The following GAS7 variants were observed in gnomAD, a reference collection of about 807,000 sequenced individuals.
GAS7 encodes the protein growth arrest specific 7.
A neutral mutation model predicts 71.1 loss-of-function variants in GAS7; 28 were observed. The ratio of observed to expected loss-of-function variants is 0.39; its 90% CI spans 0.29 to 0.54. GAS7 has a LOEUF of 0.54. Among genes scored for constraint, GAS7 ranks in the 20% least tolerant of loss-of-function variants. The pLI is 0.62. For missense variants in GAS7, 436 were observed against 627.8 expected (o/e 0.69, Z 3.27); for synonymous variants, 258 against 245.8 (o/e 1.05, Z -0.46).
chr17:9,958,840 C>A, intron 5 of GAS7: 1 of 341,516 alleles, frequency 2.9e-6, no homozygotes, highest in Non-Finnish European at 4.6e-6. Flanking sequence ...CGCACAAAAG[C>A]AACCCTGCCG....
intron 1 of GAS7, among the ~76,000 whole-genome samples, chr17:10,164,159 T>C (rs966007168): frequency 2.0e-5 from 3 of 152,104 alleles, no homozygotes; most frequent in East Asian, 3.9e-4. Context: ...AATATGGCCA[T>C]GGACTGGGCG....
chr17:10,167,211 C>T (rs1401424719), intron 1 of GAS7, among the ~76,000 whole-genome samples: 3 of 151,882 alleles, frequency 2.0e-5, no homozygotes, highest in Middle Eastern at 3.4e-3. Context: ...GCATGCACCA[C>T]CACGCCCGGC....
chr17:9,945,917 G>A (rs1009340585), intron 6 of GAS7, among the ~76,000 whole-genome samples: 5 of 152,192 alleles, frequency 3.3e-5, no homozygotes, highest in African/African-American at 1.2e-4. Context: ...CTGGGAGGTG[G>A]AGGCTGGAGT....
At chr17:10,140,195 C>T (rs2074069054) in intron 1 of GAS7, among the ~76,000 whole-genome samples, 1 of 152,190 alleles carries the variant, frequency 6.6e-6, no homozygotes, top group Non-Finnish European at 1.5e-5. Context: ...GACATGGTGG[C>T]TCACATCTGC....
chr17:10,045,001 A>G (rs1475893677), intron 1 of GAS7, among the ~76,000 whole-genome samples: 2 of 146,976 alleles, frequency 1.4e-5, no homozygotes, highest in Non-Finnish European at 3.0e-5. Flanking sequence ...AGATCGTGCC[A>G]CTGCACTCCA....
At chr17:10,089,042 T>C (rs1057030060) in intron 1 of GAS7, among the ~76,000 whole-genome samples, 2 of 151,848 alleles carry the variant, frequency 1.3e-5, no homozygotes, top group African/African-American at 4.8e-5. Flanking sequence ...GTGCCTGTAA[T>C]CCCAGCTACT....
At chr17:10,170,269 T>C (rs1439108443) in intron 1 of GAS7, among the ~76,000 whole-genome samples, 2 of 151,692 alleles carry the variant, frequency 1.3e-5, no homozygotes, top group African/African-American at 4.8e-5. Flanking sequence ...TCAGGGTAAA[T>C]GTCAGATCCT....
intron 1 of GAS7, chr17:10,039,918 T>G: frequency 3.1e-6 from 1 of 323,688 alleles, no homozygotes; most frequent in Non-Finnish European, 6.2e-6. Flanking sequence ...CCCACCTTCC[T>G]GGTCTTTTCT....
intron 1 of GAS7, among the ~76,000 whole-genome samples, chr17:10,182,450 G>A (rs1476253565): frequency 2.6e-5 from 4 of 152,170 alleles, no homozygotes; most frequent in South Asian, 2.1e-4. Context: ...ATGAGGCACC[G>A]CACCCGGCCT....
At chr17:10,020,544 G>A (rs546561642) in intron 1 of GAS7, among the ~76,000 whole-genome samples, 19 of 151,866 alleles carry the variant, frequency 1.3e-4, no homozygotes, top group South Asian at 4.2e-4. Flanking sequence ...ATTACTTTTC[G>A]TTAAAAAACA....
chr17:10,131,800 T>C (rs142812044), intron 1 of GAS7, among the ~76,000 whole-genome samples: 3 of 152,084 alleles, frequency 2.0e-5, no homozygotes, highest in Admixed American at 6.5e-5. Flanking sequence ...TACTCATGAA[T>C]ACATAAATAG....
chr17:9,988,085 C>T (rs1234632099), intron 2 of GAS7, among the ~76,000 whole-genome samples: 3 of 152,256 alleles, frequency 2.0e-5, no homozygotes, highest in Non-Finnish European at 2.9e-5. Flanking sequence ...GAGATTCCTG[C>T]AGTCTTCTCC....
intron 1 of GAS7, among the ~76,000 whole-genome samples, chr17:10,077,829 A>C (rs1173919331): frequency 6.6e-6 from 1 of 152,244 alleles, no homozygotes; most frequent in African/African-American, 2.4e-5. Flanking sequence ...AACCAAGAAA[A>C]GGGGAAGACA....
intron 1 of GAS7, among the ~76,000 whole-genome samples, chr17:10,182,487 C>T (rs1190541902): frequency 6.6e-6 from 1 of 152,250 alleles, no homozygotes; most frequent in Middle Eastern, 3.4e-3. Flanking sequence ...AATAAATTTG[C>T]TTTTACTTTG....
rs1429478482 is a variant in GAS7, at chr17:9,911,307, G to A, written c.*5921C>T. ...CAAAGGAGGCCGCAGAGCAGGGCCA[G>A]TCCTGTGCTCTCCCCCTGCATAGCA... On this transcript the variant is annotated 3_prime_UTR_variant, in exon 14 of 14. Coordinates refer to ENST00000432992, the MANE Select transcript of GAS7 (RefSeq NM_201433.2). This position sits in a 1 kb window ranked among gnomAD's most constrained non-coding sequence, Gnocchi z 4.0. The A allele has an allele frequency of 1.3e-5, 3 of 233,392 alleles. No homozygotes were observed. Among genetic ancestry groups the A allele is most frequent in the Non-Finnish European group, 2.5e-5 (3 of 118,232 alleles). The allele number at this position is 233,392 out of a possible 1,614,324, so 14.5% of individuals were successfully genotyped here. A position where few individuals can be genotyped will look rare whatever the true frequency, so the allele number is the denominator to read the frequency against.
At chr17:10,127,119 G>A (rs989088499) in intron 1 of GAS7, among the ~76,000 whole-genome samples, 6 of 152,146 alleles carry the variant, frequency 3.9e-5, no homozygotes, top group African/African-American at 1.4e-4. Flanking sequence ...TGGATTTCCA[G>A]CTGGCCATGT....
chr17:10,111,212 T>C (rs910013430), intron 1 of GAS7, among the ~76,000 whole-genome samples: 1 of 151,804 alleles, frequency 6.6e-6, no homozygotes, highest in Non-Finnish European at 1.5e-5. Flanking sequence ...ACCAGCCTGG[T>C]CAACATGGTG....
At position 9,917,122 on chromosome 17, in the gene GAS7, T is replaced by G; in HGVS notation, c.*106A>C. The G allele has an allele frequency of 2.6e-6, 2 of 768,630 alleles. No homozygotes were observed. The highest frequency in any genetic ancestry group is 2.8e-5 in the South Asian group (2 of 70,258). The allele number at this position is 768,630 out of a possible 1,614,324, so 47.6% of individuals were successfully genotyped here. On this transcript the variant is annotated 3_prime_UTR_variant, in exon 14 of 14. Transcript: ENST00000432992. The stretch of plus-strand genomic sequence containing the variant: ...GAATCACCAGCTCTCTCCCCTCTCC[T>G]CAGTGGCCCAGGAGAGAGGGTGGGG...
chr17:10,167,073 T>TTTTTTTTTTTTTTTC (rs138918612), intron 1 of GAS7, among the ~76,000 whole-genome samples: 2 of 116,008 alleles, frequency 1.7e-5, no homozygotes, highest in Admixed American at 8.7e-5. Flanking sequence ...TTTTTTTTTT[T>TTTTTTTTTTTTTTTC]TGAGACAGAG....
Sources: allele counts gnomAD v4.1 joint callset (sites outside exome capture counted in the v4.1 genomes callset), GRCh38; gene constraint gnomAD v4.1.1; non-coding constraint Gnocchi (gnomAD v3.1); transcripts MANE v1.5; gene names NCBI Gene and HGNC (gene_info 2026-07-23, HGNC 2026-07-21).